The following SYT1 variants were observed in gnomAD, a reference collection of about 807,000 sequenced individuals.
SYT1 encodes synaptotagmin 1, also known as synaptotagmin-1.
A neutral mutation model predicts 44.8 loss-of-function variants in SYT1; 8 were observed. The ratio of observed to expected loss-of-function variants is 0.18; its 90% CI spans 0.10 to 0.32. SYT1 has a LOEUF of 0.32. SYT1 is among the 10% of genes least tolerant of loss of function. The probability of loss-of-function intolerance (pLI) is 1.00; values close to 1 mark genes in which losing one functional copy is unlikely to be tolerated. For missense variants in SYT1, 286 were observed against 509.3 expected, an observed-to-expected ratio of 0.56 and a Z score of 4.22; for synonymous variants, 154 against 188.8, an observed-to-expected ratio of 0.82 and a Z score of 1.51.
At chr12:79,344,533 A>G (rs976695636) in intron 8 of SYT1, among the ~76,000 whole-genome samples, 6 of 151,854 alleles carry the variant, frequency 4.0e-5, no homozygotes, top group African/African-American at 1.2e-4. Context: ...GCCCACTGCA[A>G]CCTCCACCTC....
chr12:78,871,832 T>C (rs1409440960), intron 1 of SYT1, among the ~76,000 whole-genome samples: 1 of 151,930 alleles, frequency 6.6e-6, no homozygotes, highest in African/African-American at 2.4e-5. Flanking sequence ...AAGTGAACTA[T>C]TGGGCATTAG....
intron 3 of SYT1, among the ~76,000 whole-genome samples, chr12:79,113,032 C>G (rs1879097395): frequency 6.6e-6 from 1 of 152,120 alleles, no homozygotes. Context: ...CCTAGGATCA[C>G]TGCAACTGAA....
intron 9 of SYT1, among the ~76,000 whole-genome samples, chr12:79,416,294 T>C (rs1868736432): frequency 6.6e-6 from 1 of 152,154 alleles, no homozygotes; most frequent in Non-Finnish European, 1.5e-5. Flanking sequence ...AAAGGTATGG[T>C]AGATATTTGC....
chr12:78,889,490 A>T (rs1874928739), intron 1 of SYT1, among the ~76,000 whole-genome samples: 1 of 151,962 alleles, frequency 6.6e-6, no homozygotes, highest in South Asian at 2.1e-4. Context: ...ATCACTTAAT[A>T]ATCATTTTGG....
Position 78,868,542 on chromosome 12 carries a change from A to G in SYT1, c.-217+3433A>G, listed in dbSNP as rs367984352. 1.1e-4 allele frequency among the ~76,000 whole-genome samples: 17 copies of G among 152,070 alleles called. No individual in the cohort carries two copies. The South Asian group carries it at 3.5e-3, about 31-fold the overall frequency. On this transcript the variant is annotated intron_variant, in intron 1 of 10. Coordinates refer to ENST00000261205, the MANE Select transcript of SYT1 (RefSeq NM_005639.3). The stretch of plus-strand genomic sequence containing the variant: ...AGAGACAAAGTATATGGCAATATAC[A>G]TAATAATTTCAGCTAGAATTTAAGG...
intron 4 of SYT1, among the ~76,000 whole-genome samples, chr12:79,275,665 C>T (rs538007539): frequency 2.6e-5 from 4 of 152,188 alleles, no homozygotes; most frequent in Non-Finnish European, 5.9e-5. Flanking sequence ...CTCCTCCAGC[C>T]GCCTCTATCA....
intron 9 of SYT1, among the ~76,000 whole-genome samples, chr12:79,397,658 A>G (rs1565941551): frequency 6.6e-6 from 1 of 152,192 alleles, no homozygotes; most frequent in Non-Finnish European, 1.5e-5. Context: ...AAATGATGGT[A>G]CCTGGGTACT....
At chr12:79,357,673 T>C (rs1203240303) in intron 9 of SYT1, among the ~76,000 whole-genome samples, 1 of 152,178 alleles carries the variant, frequency 6.6e-6, no homozygotes, top group East Asian at 1.9e-4. Flanking sequence ...TGTATTTGTA[T>C]TGAGATCTTG....
At chr12:79,370,253 G>T (rs1465950399) in intron 9 of SYT1, among the ~76,000 whole-genome samples, 1 of 152,158 alleles carries the variant, frequency 6.6e-6, no homozygotes, top group Admixed American at 6.5e-5. Flanking sequence ...TACAGTCTCA[G>T]TTAAGGAACA....
chr12:79,030,883 T>C (rs1372638751), intron 2 of SYT1, among the ~76,000 whole-genome samples: 1 of 150,990 alleles, frequency 6.6e-6, no homozygotes, highest in Non-Finnish European at 1.5e-5. Flanking sequence ...TAAATAATGA[T>C]GACATTTAGA....
chr12:79,030,799 T>C (rs1484520390), intron 2 of SYT1, among the ~76,000 whole-genome samples: 6 of 151,142 alleles, frequency 4.0e-5, no homozygotes, highest in Admixed American at 2.0e-4. Flanking sequence ...TACACTTTTA[T>C]GTTTAAATTA....
intron 1 of SYT1, among the ~76,000 whole-genome samples, chr12:78,940,362 C>T (rs1730300035): frequency 6.6e-6 from 1 of 151,934 alleles, no homozygotes. Flanking sequence ...CAGAGTGAAA[C>T]AAATATATCC....
chr12:78,948,595 T>C (rs1715783069), intron 1 of SYT1, among the ~76,000 whole-genome samples: 1 of 152,020 alleles, frequency 6.6e-6, no homozygotes, highest in Admixed American at 6.6e-5. Context: ...TTGCATTTAA[T>C]ATATTCATGT....
chr12:79,187,769 A>C (rs551903312), intron 3 of SYT1, among the ~76,000 whole-genome samples: 13 of 152,240 alleles, frequency 8.5e-5, no homozygotes, highest in Non-Finnish European at 1.8e-4. Context: ...GGTAGTGAAC[A>C]AAAGGGAACC....
At chr12:79,184,811 G>A (rs1313680657) in intron 3 of SYT1, among the ~76,000 whole-genome samples, 1 of 151,974 alleles carries the variant, frequency 6.6e-6, no homozygotes, top group Non-Finnish European at 1.5e-5. Context: ...GCACCCCAGT[G>A]GTTTGTGACA....
At chr12:78,914,165 C>CATATAT (rs1358012905) in intron 1 of SYT1, among the ~76,000 whole-genome samples, 1 of 151,114 alleles carries the variant, frequency 6.6e-6, no homozygotes, top group African/African-American at 2.4e-5. Context: ...TGAGGATATA[C>CATATAT]ATATATATAT....
chr12:79,012,259 A>G (rs1295485876), intron 2 of SYT1, among the ~76,000 whole-genome samples: 3 of 152,162 alleles, frequency 2.0e-5, no homozygotes, highest in African/African-American at 7.2e-5. Flanking sequence ...GAATCAGCAC[A>G]GTCAGTGCTG....
intron 1 of SYT1, among the ~76,000 whole-genome samples, chr12:78,932,283 C>T (rs1205387137): frequency 6.6e-6 from 1 of 152,114 alleles, no homozygotes; most frequent in Non-Finnish European, 1.5e-5. Context: ...TATAGAATAA[C>T]CTGATAGTGG....
At chr12:78,872,481 C>A (rs1870948) in intron 1 of SYT1, among the ~76,000 whole-genome samples, 100,269 of 151,504 alleles carry the variant, frequency 0.66, 33,301 homozygotes, top group Admixed American at 0.7. Context: ...GCATATTACA[C>A]CTCACAGCCT....
Sources: allele counts gnomAD v4.1 joint callset (sites outside exome capture counted in the v4.1 genomes callset), GRCh38; gene constraint gnomAD v4.1.1; transcripts MANE v1.5; gene names NCBI Gene and HGNC (gene_info 2026-07-23, HGNC 2026-07-21).